Variants in UGGT2 observed in about 807,000 individuals in gnomAD.
The protein encoded by UGGT2 is UDP-glucose:glycoprotein glucosyltransferase 2.
A neutral mutation model predicts 192.1 loss-of-function variants in UGGT2; 180 were observed. The observed-to-expected ratio is 0.94, with a 90% CI of 0.83 to 1.06. The LOEUF is 1.06. Ranked by LOEUF, UGGT2 falls within the 50% of genes least tolerant of loss-of-function variation. The pLI, the probability that UGGT2 is intolerant of heterozygous loss-of-function variation, is 0.00. For synonymous variants in UGGT2, 580 were observed against 591.0 expected, an observed-to-expected ratio of 0.98 and a Z score of 0.27; for missense variants, 1,849 against 1,795.7, an observed-to-expected ratio of 1.03 and a Z score of -0.54.
At position 95,927,033 on chromosome 13, in the gene UGGT2, T is replaced by C. The variant is rs1306339226; in HGVS notation, c.2195A>G (p.Gln732Arg). The C allele has an allele frequency of 2.5e-6, 4 of 1,601,896 alleles. No individual in the cohort carries two copies. The African/African-American group carries it at 5.4e-5, about 22-fold the overall frequency. ...AAATAAAATATGCTTATTACCGTCT[T>C]GGGTTAAATAATACATGTTCTTTGC... ...VIAKNMYYLT[Q>R]DDESIISAVT... The change falls in exon 19 of 39, where the codon CAA becomes CGA. Residue 732 changes from glutamine to arginine, a missense_variant. Transcript: ENST00000376747.
At chr13:95,873,291 T>C (rs1173099092) in intron 29 of UGGT2, among the ~76,000 whole-genome samples, 3 of 152,230 alleles carry the variant, frequency 2.0e-5, no homozygotes, top group Non-Finnish European at 4.4e-5. Flanking sequence ...ACCATAGCAC[T>C]CTTTTATAGC....
chr13:95,928,788 G>A (rs916272067), intron 17 of UGGT2, among the ~76,000 whole-genome samples: 12 of 152,300 alleles, frequency 7.9e-5, no homozygotes, highest in East Asian at 7.7e-4. Context: ...CTTCCTAGAC[G>A]GGGTGGCGGC....
chr13:96,021,539 AG>A (rs1863393502), intron 4 of UGGT2, among the ~76,000 whole-genome samples: 1 of 152,222 alleles, frequency 6.6e-6, no homozygotes, highest in Non-Finnish European at 1.5e-5. Flanking sequence ...TAAAAATTAA[AG>A]ATGTCAAATA....
intron 38 of UGGT2, among the ~76,000 whole-genome samples, chr13:95,817,131 A>G (rs1284986204): frequency 6.6e-6 from 1 of 152,188 alleles, no homozygotes; most frequent in East Asian, 1.9e-4. Flanking sequence ...TTGTCTCAAA[A>G]AAAAGTCACT....
intron 24 of UGGT2, among the ~76,000 whole-genome samples, chr13:95,892,989 A>G (rs2047843993): frequency 1.3e-5 from 2 of 152,152 alleles, no homozygotes; most frequent in Admixed American, 1.3e-4. Context: ...GCCTTTGTCT[A>G]AGATGTTAGA....
intron 11 of UGGT2, 128 bp downstream of exon 11, chr13:95,972,452 G>A: frequency 1.1e-6 from 1 of 886,668 alleles, no homozygotes; most frequent in Non-Finnish European, 1.7e-6. Context: ...GAAGAAAGCT[G>A]TTTTGTACAA....
chr13:95,810,057 C>T (rs370554861), intron 38 of UGGT2, among the ~76,000 whole-genome samples: 8 of 152,152 alleles, frequency 5.3e-5, no homozygotes, highest in South Asian at 2.1e-4. Context: ...ATGGTCCTTA[C>T]GCTGGATACA....
intron 12 of UGGT2, among the ~76,000 whole-genome samples, chr13:95,962,132 GAGAA>G (rs964414781): frequency 2.2e-4 from 34 of 151,964 alleles, no homozygotes; most frequent in African/African-American, 7.7e-4. Context: ...TATCAAAAAG[GAGAA>G]AGATTCAAAT....
intron 25 of UGGT2, among the ~76,000 whole-genome samples, chr13:95,889,507 A>G (rs2047741989): frequency 6.6e-6 from 1 of 152,166 alleles, no homozygotes; most frequent in Non-Finnish European, 1.5e-5. Context: ...ACCAGACTCA[A>G]TATCTAATTA....
chr13:95,964,775 AG>A (rs1292064607), intron 12 of UGGT2, among the ~76,000 whole-genome samples: 4 of 152,220 alleles, frequency 2.6e-5, no homozygotes, highest in African/African-American at 9.6e-5. Flanking sequence ...GCTTCTGCAC[AG>A]CAAAAGAAAC....
chr13:96,040,189 T>C (rs2053124517), intron 1 of UGGT2, among the ~76,000 whole-genome samples: 1 of 152,250 alleles, frequency 6.6e-6, no homozygotes. Flanking sequence ...TAACAAATTA[T>C]GAAAAATTTG....
chr13:95,926,987 T>G, intron 19 of UGGT2, 41 bp downstream of exon 19: 1 of 1,523,886 alleles, frequency 6.6e-7, no homozygotes. Context: ...TACAAGTTTC[T>G]ATCACTTTAA....
At chr13:95,951,422 C>T (rs1205979134) in intron 12 of UGGT2, among the ~76,000 whole-genome samples, 1 of 152,118 alleles carries the variant, frequency 6.6e-6, no homozygotes, top group Non-Finnish European at 1.5e-5. Flanking sequence ...GGAGTCTAGC[C>T]CCAAAGGGGA....
At chr13:95,870,580 G>A (rs535175774) in intron 29 of UGGT2, among the ~76,000 whole-genome samples, 2 of 152,330 alleles carry the variant, frequency 1.3e-5, no homozygotes, top group African/African-American at 4.8e-5. Flanking sequence ...TGATGGGAAA[G>A]TAGCAGCTCT....
chr13:96,043,251 C>T (rs1226930242), intron 1 of UGGT2, among the ~76,000 whole-genome samples: 1 of 152,118 alleles, frequency 6.6e-6, no homozygotes, highest in Non-Finnish European at 1.5e-5. Context: ...TCAAGAATTT[C>T]GTATCTAGCA....
intron 10 of UGGT2, among the ~76,000 whole-genome samples, chr13:95,980,564 T>C (rs1223831864): frequency 6.6e-5 from 10 of 152,176 alleles, no homozygotes; most frequent in Admixed American, 6.5e-4. Context: ...AACTTATTGA[T>C]GTAACTAAAC....
intron 36 of UGGT2, among the ~76,000 whole-genome samples, chr13:95,843,799 T>C (rs1394598089): frequency 1.3e-4 from 20 of 152,080 alleles, no homozygotes; most frequent in Admixed American, 1.3e-3. Flanking sequence ...TATTTCTGGG[T>C]TCTTTATTCT....
At chr13:95,896,928 T>C (rs959069695) in intron 22 of UGGT2, among the ~76,000 whole-genome samples, 2 of 152,084 alleles carry the variant, frequency 1.3e-5, no homozygotes, top group African/African-American at 4.8e-5. Context: ...GTCATGAAAA[T>C]TGCAGAAAAC....
chr13:95,804,595 A>T (rs1394986379), intron 38 of UGGT2, among the ~76,000 whole-genome samples: 1 of 152,206 alleles, frequency 6.6e-6, no homozygotes, highest in African/African-American at 2.4e-5. Context: ...CCCGGCATAA[A>T]GACAAATAGC....
Sources: gnomAD v4.1 joint callset for allele counts (sites outside exome capture counted in the v4.1 genomes callset) on GRCh38, gnomAD v4.1.1 for gene constraint, MANE v1.5 for transcripts, NCBI Gene and HGNC (gene_info 2026-07-23, HGNC 2026-07-21) for gene names.